RALA: variants seen among roughly 807,000 people sequenced by gnomAD.
The protein encoded by RALA is ras-related protein Ral-A.
Under a neutral mutation model 24.0 loss-of-function variants are expected in RALA, and 5 were observed. The observed-to-expected ratio is 0.21, with a 90% CI of 0.11 to 0.44. RALA has a LOEUF of 0.44. Among genes scored for constraint, RALA ranks in the 20% least tolerant of loss-of-function variants. RALA has a pLI of 0.99. For synonymous variants in RALA, 77 were observed against 83.8 expected (o/e 0.92, Z 0.44); for missense variants, 95 against 241.2 (o/e 0.39, Z 4.01).
At position 39,689,172 on chromosome 7, in the gene RALA, T is replaced by C. The variant is rs115016515; in HGVS notation, c.115-1210T>C. On this transcript the variant is annotated intron_variant, in intron 2 of 4. Coordinates refer to ENST00000005257, the MANE Select transcript of RALA (RefSeq NM_005402.4). ...TGGGTGGGGACACAGAGCCAAACCA[T>C]ATCACGGGGTTTTGCCATGTGTCCC... Among the ~76,000 whole-genome samples, 378 of 152,210 alleles carry C rather than the reference T, an allele frequency of 2.5e-3. 2 individuals carry two copies. Among genetic ancestry groups the C allele is most frequent in the African/African-American group, 8.9e-3 (368 of 41,538 alleles).
At chr7:39,637,356 A>G (rs1019680641) in intron 1 of RALA, among the ~76,000 whole-genome samples, 7 of 152,228 alleles carry the variant, frequency 4.6e-5, no homozygotes, top group African/African-American at 1.4e-4. Flanking sequence ...CAAGAGATAT[A>G]GAGAGGACGG....
intron 4 of RALA, among the ~76,000 whole-genome samples, chr7:39,699,483 G>A (rs942399644): frequency 6.6e-5 from 10 of 152,302 alleles, no homozygotes; most frequent in Middle Eastern, 6.8e-3. Flanking sequence ...TCACGTATAC[G>A]TGTATGTTCA....
rs1792282580 is a variant in RALA, at chr7:39,666,056, C to T, written c.-37-20575C>T. Among the ~76,000 whole-genome samples, 3 of 152,040 alleles carry T rather than the reference C, an allele frequency of 2.0e-5. No individual in the cohort carries two copies. The South Asian group carries it at 6.2e-4, about 32-fold the overall frequency. On this transcript the variant is annotated intron_variant, in intron 1 of 4. Coordinates refer to ENST00000005257, the MANE Select transcript of RALA (RefSeq NM_005402.4). Reference sequence around the variant, plus strand: ...TAAATAGGAAGATATTTATTTTTCCCCAAGGTTTTTGTCCTATCCAGTTAT... The same window carrying T: ...TAAATAGGAAGATATTTATTTTTCCTCAAGGTTTTTGTCCTATCCAGTTAT...
rs1223615251 is a variant in RALA, at chr7:39,706,386, C to G, written c.*141C>G. 2.4e-6 allele frequency: 2 copies of G among 848,456 alleles called. No homozygotes were observed. Among genetic ancestry groups the G allele is most frequent in the Non-Finnish European group, 3.6e-6 (2 of 552,436 alleles). The allele number at this position is 848,456 out of a possible 1,614,324, so 52.6% of individuals were successfully genotyped here. On this transcript the variant is annotated 3_prime_UTR_variant, in exon 5 of 5. Transcript: ENST00000005257. Reference sequence around the variant, plus strand: ...TCACTAAAAGCATGAATTGGAACTGCAATGAAAGTCAAATTTACTTTAAAA... The same window carrying G: ...TCACTAAAAGCATGAATTGGAACTGGAATGAAAGTCAAATTTACTTTAAAA...
At chr7:39,692,620 A>C (rs1314960248) in intron 3 of RALA, among the ~76,000 whole-genome samples, 1 of 152,188 alleles carries the variant, frequency 6.6e-6, no homozygotes, top group East Asian at 1.9e-4. Flanking sequence ...AACTCTAAAA[A>C]AATAACATCT....
chr7:39,704,156 T>C (rs1793074843), intron 4 of RALA, among the ~76,000 whole-genome samples: 1 of 66,132 alleles, frequency 1.5e-5, no homozygotes, highest in Non-Finnish European at 2.9e-5. Context: ...ACAGAGACTC[T>C]CTCAAAAAAA....
intron 1 of RALA, among the ~76,000 whole-genome samples, chr7:39,645,323 A>C (rs1272839593): frequency 6.6e-6 from 1 of 152,180 alleles, no homozygotes; most frequent in Non-Finnish European, 1.5e-5. Flanking sequence ...AGGTGGGGGC[A>C]GAAGGGTTCA....
intron 2 of RALA, 44 bp from the exon 3 acceptor site, chr7:39,690,338 G>A: frequency 6.6e-7 from 1 of 1,514,540 alleles, no homozygotes; most frequent in South Asian, 1.2e-5. Flanking sequence ...AATAAGTTTT[G>A]AAACGTAATA....
chr7:39,650,810 A>G (rs764390082), intron 1 of RALA, among the ~76,000 whole-genome samples: 78 of 152,348 alleles, frequency 5.1e-4, no homozygotes, highest in Non-Finnish European at 9.3e-4. Flanking sequence ...GCTGCAATCA[A>G]AGTGTCAGCC....
chr7:39,696,038 C>A (rs1792913937), intron 3 of RALA, among the ~76,000 whole-genome samples: 1 of 152,154 alleles, frequency 6.6e-6, no homozygotes, highest in South Asian at 2.1e-4. Flanking sequence ...GATGAGGAAA[C>A]TGAGGTAAGA....
In RALA at chr7:39,706,197, G is replaced by A. The variant is rs1583766101; in HGVS notation, c.573G>A (p.Lys191=). Residue 191 remains lysine (K), a synonymous_variant, in exon 5 of 5, where the codon AAG becomes AAA. Transcript: ENST00000005257. ...EDSKEKNGKK[K]RKSLAKRIRE... ...GCAAAGAAAAGAATGGAAAAAAGAA[G>A]AGGAAAAGTTTAGCCAAGAGAATCA... The A allele has an allele frequency of 1.2e-6, 2 of 1,610,112 alleles. No individual in the cohort carries two copies. The highest frequency in any genetic ancestry group is 1.7e-6 in the Non-Finnish European group (2 of 1,179,202).
chr7:39,697,971 G>GTGTGTGTATA (rs147264246), intron 4 of RALA, among the ~76,000 whole-genome samples: 1 of 149,346 alleles, frequency 6.7e-6, no homozygotes, highest in Non-Finnish European at 1.5e-5. Flanking sequence ...GTGTGTGTGT[G>GTGTGTGTATA]TGTATGTGTG....
At chr7:39,680,851 T>C (rs1792582875) in intron 1 of RALA, among the ~76,000 whole-genome samples, 1 of 152,244 alleles carries the variant, frequency 6.6e-6, no homozygotes, top group African/African-American at 2.4e-5. Flanking sequence ...TTGTATATTC[T>C]GTTCTATTGA....
rs561499975 is a variant in RALA at position 39,686,922 on chromosome 7, A to G, written c.114+141A>G. 64 of 595,788 alleles carry G rather than the reference A, an allele frequency of 1.1e-4. 1 individual carries two copies. In the Middle Eastern group the frequency reaches 2.6e-3, roughly 24 times the overall value. The allele number at this position is 595,788 out of a possible 1,614,324, so 36.9% of individuals were successfully genotyped here. A position where few individuals can be genotyped will look rare whatever the true frequency, so the allele number is the denominator to read the frequency against. On this transcript the variant is annotated intron_variant, in intron 2 of 4. Transcript: ENST00000005257. ...TTTTTTCATTTTTGTGTTTAGAGCCATCTGTACATAACTTGATTTTACAAA... is the reference window on the plus strand; with the variant it reads ...TTTTTTCATTTTTGTGTTTAGAGCCGTCTGTACATAACTTGATTTTACAAA...
rs1793121346 is a variant in RALA at position 39,706,431 on chromosome 7, C to T, written c.*186C>T. 1.8e-6 allele frequency: 1 copy of T among 563,492 alleles called. No individual in the cohort carries two copies. Among genetic ancestry groups the T allele is most frequent in the Non-Finnish European group, 3.0e-6 (1 of 331,306 alleles). 34.9% of individuals were successfully genotyped at this position (563,492 alleles called of 1,614,324 possible). A position where few individuals can be genotyped will look rare whatever the true frequency, so the allele number is the denominator to read the frequency against. Reference sequence around the variant, plus strand: ...TTAAAAAGAAATTAATATGGCTTCACCAAGAAGCAAAGTTCAACTTATTTC... The same window carrying T: ...TTAAAAAGAAATTAATATGGCTTCATCAAGAAGCAAAGTTCAACTTATTTC... On this transcript the variant is annotated 3_prime_UTR_variant, in exon 5 of 5. Coordinates refer to ENST00000005257, the MANE Select transcript of RALA (RefSeq NM_005402.4).
At chr7:39,699,629 T>C (rs1792987810) in intron 4 of RALA, among the ~76,000 whole-genome samples, 1 of 152,226 alleles carries the variant, frequency 6.6e-6, no homozygotes, top group Non-Finnish European at 1.5e-5. Flanking sequence ...TGTGCTGATA[T>C]CAGATGATCT....
intron 1 of RALA, among the ~76,000 whole-genome samples, chr7:39,674,042 T>TAAA (rs367907893): frequency 3.0e-4 from 27 of 90,698 alleles, no homozygotes; most frequent in Admixed American, 6.2e-4. Context: ...GCATGCACTG[T>TAAA]AAATAAATAA....
At chr7:39,659,771 A>G (rs1792156206) in intron 1 of RALA, among the ~76,000 whole-genome samples, 1 of 152,246 alleles carries the variant, frequency 6.6e-6, no homozygotes, top group Non-Finnish European at 1.5e-5. Context: ...TAAAGCCCAG[A>G]AAAGAGTTCT....
At position 39,686,652 on chromosome 7, in the gene RALA, A is replaced by G; in HGVS notation, c.-16A>G. 1 of 1,588,350 alleles carries G rather than the reference A, an allele frequency of 6.3e-7. No individual in the cohort carries two copies. Among genetic ancestry groups the G allele is most frequent in the Non-Finnish European group, 8.6e-7 (1 of 1,156,536 alleles). On this transcript the variant is annotated 5_prime_UTR_variant, in exon 2 of 5. Coordinates refer to ENST00000005257, the MANE Select transcript of RALA (RefSeq NM_005402.4). ...TTAGATTCTTCTTAATCCTTTGGTG[A>G]AAACTGAGACACAAAATGGCTGCAA...
Sources: gnomAD v4.1 joint callset for allele counts (sites outside exome capture counted in the v4.1 genomes callset) on GRCh38, gnomAD v4.1.1 for gene constraint, MANE v1.5 for transcripts, NCBI Gene and HGNC (gene_info 2026-07-23, HGNC 2026-07-21) for gene names.